PIEZO1: variants seen among roughly 807,000 people sequenced by gnomAD.
PIEZO1 encodes the protein piezo-type mechanosensitive ion channel component 1.
In PIEZO1, 296 loss-of-function variants were observed where a neutral mutation model predicts 297.2. The observed-to-expected ratio is 1.00, with a 90% CI of 0.91 to 1.10. PIEZO1 has a LOEUF of 1.10. PIEZO1 is among the 50% of genes least tolerant of loss of function. PIEZO1 has a pLI of 0.00. For missense variants in PIEZO1, 5,018 were observed against 3,455.5 expected, an observed-to-expected ratio of 1.45 and a Z score of -11.34; for synonymous variants, 2,427 against 1,507.5, an observed-to-expected ratio of 1.61 and a Z score of -14.13.
intron 1 of PIEZO1, among the ~76,000 whole-genome samples, chr16:88,757,911 T>C (rs1567687862): frequency 2.6e-5 from 4 of 152,138 alleles, no homozygotes. Flanking sequence ...GGGCCAGTTA[T>C]CACAGATTTC....
In PIEZO1 at chr16:88,749,449, A is replaced by G; in HGVS notation, c.95T>C (p.Leu32Pro). The stretch of plus-strand genomic sequence containing the variant: ...CAGCAGCAGGAAGAGCAGGTAGACC[A>G]GCGAGAGTCCGCTGAAGCGGAGCAG... ...ACLLRFSGLS[L>P]VYLLFLLLLP... Residue 32 changes from leucine to proline, a missense_variant, in exon 2 of 51, where the codon CTG becomes CCG. By Grantham distance (98) the Leu-to-Pro change is moderately conservative. Transcript: ENST00000301015. 4 of 1,524,468 alleles carry G rather than the reference A, an allele frequency of 2.6e-6. No individual in the cohort carries two copies. Among genetic ancestry groups the G allele is most frequent in the Non-Finnish European group, 3.5e-6 (4 of 1,142,366 alleles). 94.4% of individuals were successfully genotyped at this position (1,524,468 alleles called of 1,614,324 possible). A position where few individuals can be genotyped will look rare whatever the true frequency, so the allele number is the denominator to read the frequency against.
intron 24 of PIEZO1, 21 bp downstream of exon 24, chr16:88,727,018 G>A (rs376556661): frequency 1.9e-6 from 3 of 1,548,346 alleles, no homozygotes; most frequent in Non-Finnish European, 2.6e-6. Context: ...GGTTCCCCGT[G>A]GAGGGTGACG....
chr16:88,776,708 G>A (rs1031256819), intron 1 of PIEZO1, among the ~76,000 whole-genome samples: 3 of 152,340 alleles, frequency 2.0e-5, no homozygotes, highest in South Asian at 2.1e-4. Flanking sequence ...GGGAGTGACC[G>A]CAGAAGGGCC....
Position 88,715,797 on chromosome 16 carries a change from G to T in PIEZO1, c.7374C>A (p.Phe2458Leu). The T allele has an allele frequency of 1.3e-6, 2 of 1,550,376 alleles. No homozygotes were observed. Among genetic ancestry groups the T allele is most frequent in the South Asian group, 2.4e-5 (2 of 84,068 alleles). Residue 2458 changes from phenylalanine (F) to leucine (L), a missense_variant, in exon 51 of 51, where the codon TTC (phenylalanine) becomes TTA (leucine). Transcript: ENST00000301015. ...VLVIGKFVRG[F>L]FSEISHSIMF... ...TAATGGAGTGCGAGATCTCGCTGAAGAATCCGCGCACGAACTTGCCGATGA... is the reference window on the plus strand; with the variant it reads ...TAATGGAGTGCGAGATCTCGCTGAATAATCCGCGCACGAACTTGCCGATGA...
chr16:88,744,038 G>C (rs1262764998), intron 2 of PIEZO1: 1 of 190,902 alleles, frequency 5.2e-6, no homozygotes, highest in Non-Finnish European at 1.1e-5. Flanking sequence ...TAGGTGCCAG[G>C]CTTCTCACTG....
At chr16:88,719,196 T>G (rs1393208040) in intron 44 of PIEZO1, 1 of 238,594 alleles carries the variant, frequency 4.2e-6, no homozygotes, top group African/African-American at 2.3e-5. Flanking sequence ...CAACTGTGAA[T>G]CCACTAGAAA....
rs28370906 is a variant in PIEZO1, at chr16:88,760,226, C to T, written c.65-10747G>A. 3.3e-5 allele frequency among the ~76,000 whole-genome samples: 5 copies of T among 152,292 alleles called. No homozygotes were observed. The East Asian group carries it at 7.8e-4, about 24-fold the overall frequency. On this transcript the variant is annotated intron_variant, in intron 1 of 50. Coordinates refer to ENST00000301015, the MANE Select transcript of PIEZO1 (RefSeq NM_001142864.4). ...GGCTGAGCCACGGGCTCCGCTCCCC[C>T]GGGGCGCTGGACCGTCTCAGGCTGG...
chr16:88,742,638 G>C, intron 2 of PIEZO1: 1 of 542,988 alleles, frequency 1.8e-6, no homozygotes, highest in Non-Finnish European at 3.3e-6. Context: ...GCATCCTCCT[G>C]GGGGTGGCAG....
intron 2 of PIEZO1, among the ~76,000 whole-genome samples, chr16:88,749,041 TC>T (rs1332743606): frequency 6.9e-6 from 1 of 144,028 alleles, no homozygotes; most frequent in Non-Finnish European, 1.5e-5. Context: ...ATCGAGACCA[TC>T]CTGGCTATCA....
intron 1 of PIEZO1, among the ~76,000 whole-genome samples, chr16:88,771,378 G>C (rs1429316343): frequency 2.6e-5 from 4 of 152,156 alleles, no homozygotes; most frequent in Non-Finnish European, 5.9e-5. Context: ...ACAGCTAGGA[G>C]TGCGGCGACA....
Position 88,737,420 on chromosome 16 carries a change from G to T in PIEZO1, c.1195+139C>A, listed in dbSNP as rs1400570716. 6.5e-6 allele frequency: 4 copies of T among 613,342 alleles called. No individual in the cohort carries two copies. The South Asian group carries it at 8.1e-5, about 12-fold the overall frequency. The allele number at this position is 613,342 out of a possible 1,614,324, so 38.0% of individuals were successfully genotyped here. ...CGGGGGTCACTGACACCGACCCGTG[G>T]ATGTCCTGGGCCCCCGAGGGGGCGG... On this transcript the variant is annotated intron_variant, in intron 10 of 50. Transcript: ENST00000301015.
At chr16:88,764,890 T>C (rs902828068) in intron 1 of PIEZO1, among the ~76,000 whole-genome samples, 1 of 152,000 alleles carries the variant, frequency 6.6e-6, no homozygotes, top group East Asian at 1.9e-4. Context: ...ACTCCAACCA[T>C]GGCCCCAGCA....
In PIEZO1 at chr16:88,720,406, AATG is replaced by A. The variant is rs1912345932; in HGVS notation, c.5925_5927del (p.Ile1976del). 4 of 1,550,234 alleles carry A rather than the reference AATG, an allele frequency of 2.6e-6. No individual in the cohort carries two copies. The highest frequency in any genetic ancestry group is 3.5e-6 in the Non-Finnish European group (4 of 1,146,888). On this transcript the variant is annotated inframe_deletion, in exon 41 of 51. Transcript: ENST00000301015. Reference sequence around the variant, plus strand: ...TCACCCCAAAGGCCCAGAAGCCAAAAATGATGATGATGAAGTCGACAACATCAG... The same window carrying A: ...TCACCCCAAAGGCCCAGAAGCCAAAAATGATGATGAAGTCGACAACATCAG...
rs958851205 is a variant in PIEZO1, at chr16:88,726,828, G to A, written c.3586C>T (p.Leu1196=). 1.3e-6 allele frequency: 2 copies of A among 1,550,382 alleles called. No homozygotes were observed. Among genetic ancestry groups the A allele is most frequent in the Non-Finnish European group, 8.7e-7 (1 of 1,146,948 alleles). The change falls in exon 25 of 51, where the codon CTG becomes TTG. Residue 1196 remains leucine (L), a synonymous_variant. Transcript: ENST00000301015. The part of the protein sequence containing the change: ...GLGYLLACFY[L]LLFGTALLQR... ...AGCAGGGCCGTGCCGAAGAGCAGCAGGTAGAAGCAGGCCAGCAGGTAGCCC... is the reference window on the plus strand; with the variant it reads ...AGCAGGGCCGTGCCGAAGAGCAGCAAGTAGAAGCAGGCCAGCAGGTAGCCC...
chr16:88,768,659 C>T (rs909317018), intron 1 of PIEZO1, among the ~76,000 whole-genome samples: 6 of 152,224 alleles, frequency 3.9e-5, no homozygotes, highest in Admixed American at 6.5e-5. Flanking sequence ...CCCTCTCAGC[C>T]GCTCCTCCCT....
chr16:88,722,405 G>A lies in PIEZO1; in HGVS notation c.4776-8C>T, dbSNP rs777737612. 3 of 1,487,408 alleles carry A rather than the reference G, an allele frequency of 2.0e-6. No individual in the cohort carries two copies. The highest frequency in any genetic ancestry group is 1.3e-5 in the South Asian group (1 of 74,876). The allele number at this position is 1,487,408 out of a possible 1,614,324, so 92.1% of individuals were successfully genotyped here. ...TCCTCCGCGCCCAGCCCACTGGGGA[G>A]GGAAGCCGAGTCACAGAGAATCCTG... On this transcript the variant is annotated splice_region_variant and splice_polypyrimidine_tract_variant and intron_variant, in intron 35 of 50. Coordinates refer to ENST00000301015, the MANE Select transcript of PIEZO1 (RefSeq NM_001142864.4).
At chr16:88,766,366 C>T (rs1183073380) in intron 1 of PIEZO1, among the ~76,000 whole-genome samples, 1 of 152,144 alleles carries the variant, frequency 6.6e-6, no homozygotes, top group African/African-American at 2.4e-5. Context: ...AGCCAGCGCG[C>T]CCTGCGAACT....
rs1904992962 is a variant in PIEZO1 at position 88,733,298 on chromosome 16, ACTC to A, written c.2641_2643del (p.Glu881del). 6.5e-7 allele frequency: 1 copy of A among 1,543,766 alleles called. No homozygotes were observed. Among genetic ancestry groups the A allele is most frequent in the Non-Finnish European group, 8.8e-7 (1 of 1,141,704 alleles). On this transcript the variant is annotated inframe_deletion, in exon 19 of 51. Transcript: ENST00000301015. ...GGTACCTCGGTGCAGTTGCTGGAAT[ACTC>A]CTGGGGGTTGACAACCTTGAGCTGG...
At chr16:88,747,969 C>T (rs1022201892) in intron 2 of PIEZO1, among the ~76,000 whole-genome samples, 7 of 152,172 alleles carry the variant, frequency 4.6e-5, no homozygotes, top group Admixed American at 2.0e-4. Flanking sequence ...CCTGGAAAAA[C>T]GCAGCCCGGT....
Sources: allele counts gnomAD v4.1 joint callset (sites outside exome capture counted in the v4.1 genomes callset), GRCh38; gene constraint gnomAD v4.1.1; transcripts MANE v1.5; gene names NCBI Gene and HGNC (gene_info 2026-07-23, HGNC 2026-07-21).